Variants in UNC79 observed in about 807,000 individuals in gnomAD.
UNC79 encodes the protein unc-79 subunit of NALCN channel complex, also known as protein unc-79 homolog.
UNC79 carries 37 observed loss-of-function variants against 283.1 expected under a neutral mutation model. The ratio of observed to expected loss-of-function variants is 0.13; its 90% CI spans 0.10 to 0.17. UNC79 has a LOEUF of 0.17. UNC79 is among the 10% of genes least tolerant of loss of function. The probability of loss-of-function intolerance (pLI) is 1.00; values close to 1 mark genes in which losing one functional copy is unlikely to be tolerated. For synonymous variants in UNC79, 1,107 were observed against 1,200.2 expected (o/e 0.92, Z 1.61); for missense variants, 2,272 against 3,211.1 (o/e 0.71, Z 7.07).
chr14:93,622,240 C>T, exon 30 of UNC79: 1 of 1,614,034 alleles, frequency 6.2e-7, no homozygotes, highest in South Asian at 1.1e-5. Flanking sequence ...CTTCTCCCTC[C>T]GTCCCCAGCC....
At chr14:93,673,953 G>A (rs911781585) in intron 41 of UNC79, among the ~76,000 whole-genome samples, 1 of 152,144 alleles carries the variant, frequency 6.6e-6, no homozygotes, top group African/African-American at 2.4e-5. Flanking sequence ...GTGTAGGTAC[G>A]CTTCAGCCCT....
At chr14:93,639,617 TTGGG>T in intron 32 of UNC79, among the ~76,000 whole-genome samples, 1 of 152,236 alleles carries the variant, frequency 6.6e-6, no homozygotes. Context: ...GGATTCCCAT[TTGGG>T]AGCTTAGGAA....
intron 27 of UNC79, among the ~76,000 whole-genome samples, chr14:93,615,870 T>C (rs954332692): frequency 1.3e-5 from 2 of 152,040 alleles, no homozygotes; most frequent in Non-Finnish European, 2.9e-5. Flanking sequence ...CATTTTGGCA[T>C]ATATTGCTCC....
At chr14:93,536,991 C>T (rs562529809) in intron 11 of UNC79, among the ~76,000 whole-genome samples, 1 of 152,146 alleles carries the variant, frequency 6.6e-6, no homozygotes, top group African/African-American at 2.4e-5. Flanking sequence ...AAGGACTGTC[C>T]TGAGCTCAAT....
intron 12 of UNC79, among the ~76,000 whole-genome samples, chr14:93,538,769 C>A (rs2061214972): frequency 7.8e-6 from 1 of 128,584 alleles, no homozygotes; most frequent in Admixed American, 9.5e-5. Context: ...ACAGGTCCTG[C>A]AGGCTACTGG....
exon 26 of UNC79, chr14:93,603,264 T>C (rs2065644363): frequency 1.9e-6 from 3 of 1,614,222 alleles, no homozygotes; most frequent in Non-Finnish European, 2.5e-6. Context: ...GGACCAATGT[T>C]GCTAACCTCA....
chr14:93,342,364 C>T (rs2053732181), intron 1 of UNC79, among the ~76,000 whole-genome samples: 1 of 152,302 alleles, frequency 6.6e-6, no homozygotes, highest in South Asian at 2.1e-4. Flanking sequence ...ATGGCTGGAG[C>T]TGGAGTGGCT....
At chr14:93,528,433 A>T in intron 8 of UNC79, 125 bp from the exon 9 acceptor site, 1 of 797,488 alleles carries the variant, frequency 1.3e-6, no homozygotes, top group Non-Finnish European at 2.0e-6. Flanking sequence ...AAAGGGTTTT[A>T]CTAAAAATGT....
At chr14:93,701,171 G>A (rs2075501694) in intron 47 of UNC79, among the ~76,000 whole-genome samples, 1 of 152,240 alleles carries the variant, frequency 6.6e-6, no homozygotes, top group South Asian at 2.1e-4. Context: ...TAGGCAGTGA[G>A]CTGGAATACC....
intron 14 of UNC79, among the ~76,000 whole-genome samples, chr14:93,563,338 G>T (rs147570574): frequency 6.6e-6 from 1 of 152,184 alleles, no homozygotes; most frequent in South Asian, 2.1e-4. Flanking sequence ...AATGACTCCA[G>T]CTTCCTTTGG....
At position 93,467,204 on chromosome 14, in the gene UNC79, A is replaced by G. The variant is rs944704043; in HGVS notation, c.23-467A>G. On this transcript the variant is annotated intron_variant, in intron 1 of 48. Coordinates refer to ENST00000555664, the Ensembl canonical transcript of UNC79. ...ATGCCATTGTGCAATGGAACTCCCT[A>G]TATTTTAGGATTTTTTGAGTGTTGT... is the stretch of plus-strand genomic sequence containing the variant. Among the ~76,000 whole-genome samples, 5 of 152,116 alleles carry G rather than the reference A, an allele frequency of 3.3e-5. 1 individual carries two copies. The highest frequency in any genetic ancestry group is 1.3e-4 in the Admixed American group (2 of 15,268).
At chr14:93,594,777 A>G (rs1399093576) in intron 23 of UNC79, among the ~76,000 whole-genome samples, 1 of 152,078 alleles carries the variant, frequency 6.6e-6, no homozygotes, top group Non-Finnish European at 1.5e-5. Context: ...ATCTGCTAGT[A>G]GTTCCATTCT....
At chr14:93,622,697 G>A in exon 30 of UNC79, 1 of 1,614,202 alleles carries the variant, frequency 6.2e-7, no homozygotes, top group Non-Finnish European at 8.5e-7. Flanking sequence ...GGTGGAAGAG[G>A]ATGGAGCTGA....
At chr14:93,592,436 A>G (rs1216922008) in intron 22 of UNC79, among the ~76,000 whole-genome samples, 2 of 151,980 alleles carry the variant, frequency 1.3e-5, no homozygotes, top group Non-Finnish European at 1.5e-5. Flanking sequence ...AGCCTCCCAA[A>G]GTGCTGGGAT....
chr14:93,577,787 C>T lies in UNC79; in HGVS notation c.2212-55C>T, dbSNP rs1046038109. 5 of 1,566,884 alleles carry T rather than the reference C, an allele frequency of 3.2e-6. No individual in the cohort carries two copies. In the African/African-American group the frequency reaches 5.4e-5, roughly 17 times the overall value. ...CCATAGAGTCCCCGAATATTTTACA[C>T]AGCAATTTGAGCTTCTGTGAGTTCA... is the stretch of plus-strand genomic sequence containing the variant. On this transcript the variant is annotated intron_variant, in intron 17 of 48. Coordinates refer to ENST00000555664, the Ensembl canonical transcript of UNC79.
intron 47 of UNC79, among the ~76,000 whole-genome samples, chr14:93,702,776 C>T (rs2075623041): frequency 6.6e-6 from 1 of 152,226 alleles, no homozygotes; most frequent in South Asian, 2.1e-4. Context: ...AGAGCAGACT[C>T]ATCCTCAGAT....
At chr14:93,686,352 A>G (rs1425112712) in intron 42 of UNC79, among the ~76,000 whole-genome samples, 2 of 152,202 alleles carry the variant, frequency 1.3e-5, no homozygotes, top group Non-Finnish European at 2.9e-5. Flanking sequence ...CCCATCTCCC[A>G]TAGGCCTCTC....
chr14:93,622,534 G>A (rs556428352), exon 30 of UNC79: 83 of 1,613,780 alleles, frequency 5.1e-5, no homozygotes, highest in Non-Finnish European at 6.4e-5. Flanking sequence ...ACCCTGACCC[G>A]GGCACTGAGG....
chr14:93,385,422 A>G (rs2054750360), intron 1 of UNC79, among the ~76,000 whole-genome samples: 1 of 151,874 alleles, frequency 6.6e-6, no homozygotes, highest in Non-Finnish European at 1.5e-5. Context: ...TCTTATTCAT[A>G]GCTATTGTAA....
Sources: gnomAD v4.1 joint callset for allele counts (sites outside exome capture counted in the v4.1 genomes callset) on GRCh38, gnomAD v4.1.1 for gene constraint, MANE v1.5 for transcripts, NCBI Gene and HGNC (gene_info 2026-07-23, HGNC 2026-07-21) for gene names.